The following TPCN1 variants were observed in gnomAD, a reference collection of about 807,000 sequenced individuals.
TPCN1 encodes two pore segment channel 1, also known as two pore channel protein 1.
Under a neutral mutation model 108.8 loss-of-function variants are expected in TPCN1, and 52 were observed. The observed-to-expected ratio is 0.48, with a 90% CI of 0.38 to 0.60. TPCN1 has a LOEUF of 0.60. Ranked by LOEUF, TPCN1 falls within the 20% of genes least tolerant of loss-of-function variation. The probability of loss-of-function intolerance (pLI) is 0.00; values close to 1 mark genes in which losing one functional copy is unlikely to be tolerated. For synonymous variants in TPCN1, 446 were observed against 433.7 expected (o/e 1.03, Z -0.35); for missense variants, 806 against 1,072.8 (o/e 0.75, Z 3.47).
rs956423554 is a variant in TPCN1 at position 113,231,567 on chromosome 12, T to G, written c.112+4603T>G. ...GGGGACACAGTTCAGGCCATCACAC[T>G]CCTACCCATTCTTCAGAGGCAGGGA... is the stretch of plus-strand genomic sequence containing the variant. On this transcript the variant is annotated intron_variant, in intron 2 of 27. Coordinates refer to ENST00000335509, the MANE Select transcript of TPCN1 (RefSeq NM_017901.6). The surrounding 1 kb of genome is among the most constrained non-coding windows in gnomAD (Gnocchi z 4.3). 1.3e-5 allele frequency among the ~76,000 whole-genome samples: 2 copies of G among 152,208 alleles called. No individual in the cohort carries two copies. The highest frequency in any genetic ancestry group is 6.5e-5 in the Admixed American group (1 of 15,276).
At chr12:113,283,086 CA>C (rs145407809) in intron 15 of TPCN1, among the ~76,000 whole-genome samples, 4 of 149,876 alleles carry the variant, frequency 2.7e-5, no homozygotes, top group African/African-American at 9.8e-5. Flanking sequence ...CAAGAAAAAG[CA>C]AAAAAAAATT....
chr12:113,248,488 C>T (rs928546343), intron 2 of TPCN1, among the ~76,000 whole-genome samples: 5 of 152,170 alleles, frequency 3.3e-5, no homozygotes, highest in African/African-American at 9.7e-5. Context: ...TTTGAGGGGA[C>T]GGAGTGATGT....
intron 19 of TPCN1, chr12:113,287,374 G>C (rs1369598257): frequency 4.6e-6 from 2 of 431,794 alleles, no homozygotes; most frequent in Non-Finnish European, 8.3e-6. Context: ...CCAGCGACAG[G>C]AGCCCATATG....
At chr12:113,248,922 T>C (rs1954514613) in intron 2 of TPCN1, among the ~76,000 whole-genome samples, 1 of 152,226 alleles carries the variant, frequency 6.6e-6, no homozygotes, top group African/African-American at 2.4e-5. Context: ...GGGATTGTGC[T>C]AGTCTAGGGG....
intron 27 of TPCN1, chr12:113,294,156 C>T (rs1015587935): frequency 6.6e-6 from 1 of 152,238 alleles, no homozygotes; most frequent in Non-Finnish European, 1.5e-5. Context: ...GTGATCATAG[C>T]TCACTGTAGC....
chr12:113,222,621 A>C (rs922238944), intron 1 of TPCN1, among the ~76,000 whole-genome samples: 1 of 152,244 alleles, frequency 6.6e-6, no homozygotes, highest in African/African-American at 2.4e-5. Context: ...GTCATATATT[A>C]AACAGTTAAA....
At position 113,278,219 on chromosome 12, in the gene TPCN1, T is replaced by C; in HGVS notation, c.1215T>C (p.Val405=). 6.2e-7 allele frequency: 1 copy of C among 1,613,946 alleles called. No homozygotes were observed. The highest frequency in any genetic ancestry group is 8.5e-7 in the Non-Finnish European group (1 of 1,179,896). Residue 405 remains valine (V), a synonymous_variant, in exon 13 of 28, where the codon GTT becomes GTC. Coordinates refer to ENST00000335509, the MANE Select transcript of TPCN1 (RefSeq NM_017901.6). The part of the protein sequence containing the change: ...SLKDFYDIYE[V]AALKWKAKKN... The stretch of plus-strand genomic sequence containing the variant: ...AGGACTTTTACGATATCTACGAAGT[T>C]GCTGCTTTGAAGTGGAAGGTGAGTT...
chr12:113,274,738 T>C (rs12816474), intron 10 of TPCN1, among the ~76,000 whole-genome samples: 2,762 of 152,306 alleles, frequency 0.018, 48 homozygotes, highest in Middle Eastern at 0.031. Flanking sequence ...GTGAGTATGG[T>C]TCTCCATGTG....
At chr12:113,270,977 G>T (rs921216257) in intron 7 of TPCN1, among the ~76,000 whole-genome samples, 1 of 152,056 alleles carries the variant, frequency 6.6e-6, no homozygotes, top group Non-Finnish European at 1.5e-5. Flanking sequence ...TTAAAAATAC[G>T]CCAGGCATGG....
chr12:113,289,039 T>G lies in TPCN1; in HGVS notation c.1796+192T>G, dbSNP rs1956183769. On this transcript the variant is annotated intron_variant, in intron 21 of 27. Coordinates refer to ENST00000335509, the MANE Select transcript of TPCN1 (RefSeq NM_017901.6). This position sits in a 1 kb window ranked among gnomAD's most constrained non-coding sequence, Gnocchi z 4.1. ...GGGGCCTGGACTCGGGGTCCCTGTT[T>G]CTCCATCCCCCAGGCAGGGTTGGGA... Among the ~76,000 whole-genome samples, 1 of 152,194 alleles carries G rather than the reference T, an allele frequency of 6.6e-6. No individual in the cohort carries two copies. Among genetic ancestry groups the G allele is most frequent in the Non-Finnish European group, 1.5e-5 (1 of 68,030 alleles).
intron 2 of TPCN1, among the ~76,000 whole-genome samples, chr12:113,236,884 G>A (rs749790786): frequency 6.6e-6 from 1 of 152,174 alleles, no homozygotes; most frequent in Non-Finnish European, 1.5e-5. Context: ...ATACAAGATA[G>A]CATGCCTCAC....
Position 113,287,066 on chromosome 12 carries a change from G to A in TPCN1, c.1606G>A (p.Val536Met), listed in dbSNP as rs143154281. 7.3e-5 allele frequency: 117 copies of A among 1,613,760 alleles called. No homozygotes were observed. Among genetic ancestry groups the A allele is most frequent in the East Asian group, 2.0e-4 (9 of 44,880 alleles). Residue 536 changes from valine to methionine, a missense_variant, in exon 19 of 28, where the codon GTG becomes ATG. Val to Met is a conservative substitution (Grantham distance 21). Coordinates refer to ENST00000335509, the MANE Select transcript of TPCN1 (RefSeq NM_017901.6). ...ALNMEPFYFI[V>M]VLRPLQLLRL... Reference sequence around the variant, plus strand: ...CAACATGGAGCCCTTCTATTTCATCGTGGTCCTGCGCCCCCTCCAGCTGCT... The same window carrying A: ...CAACATGGAGCCCTTCTATTTCATCATGGTCCTGCGCCCCCTCCAGCTGCT...
At chr12:113,223,925 CT>C (rs1953370884) in intron 1 of TPCN1, among the ~76,000 whole-genome samples, 1 of 152,300 alleles carries the variant, frequency 6.6e-6, no homozygotes, top group African/African-American at 2.4e-5. Context: ...AAAAAATACT[CT>C]TTTCCCCTTC....
rs563601130 is a variant in TPCN1, at chr12:113,297,052, G to C, written c.*976G>C. 1 of 152,364 alleles carries C rather than the reference G, an allele frequency of 6.6e-6. No homozygotes were observed. The highest frequency in any genetic ancestry group is 1.5e-5 in the Non-Finnish European group (1 of 68,146). The allele number at this position is 152,364 out of a possible 1,614,324, so 9.4% of individuals were successfully genotyped here. A position where few individuals can be genotyped will look rare whatever the true frequency, so the allele number is the denominator to read the frequency against. On this transcript the variant is annotated 3_prime_UTR_variant, in exon 28 of 28. Coordinates refer to ENST00000335509, the MANE Select transcript of TPCN1 (RefSeq NM_017901.6). This position sits in a 1 kb window ranked among gnomAD's most constrained non-coding sequence, Gnocchi z 4.4. ...TGGGACGCAGCAGCCCCGTGGCCCC[G>C]GCCCAGTTCCCAGCCACCCTCCCTG... is the stretch of plus-strand genomic sequence containing the variant.
chr12:113,230,063 CT>C (rs965455596), intron 2 of TPCN1, among the ~76,000 whole-genome samples: 2 of 152,200 alleles, frequency 1.3e-5, no homozygotes, highest in African/African-American at 4.8e-5. Context: ...TTCTCAGCCT[CT>C]TGTTTGCTCG....
chr12:113,247,533 T>C (rs1027359842), intron 2 of TPCN1, among the ~76,000 whole-genome samples: 6 of 152,140 alleles, frequency 3.9e-5, no homozygotes, highest in African/African-American at 1.4e-4. Context: ...ACCTCTTAAG[T>C]GGGGAAGAGG....
chr12:113,243,392 C>T (rs956018697), intron 2 of TPCN1, among the ~76,000 whole-genome samples: 1 of 151,616 alleles, frequency 6.6e-6, no homozygotes, highest in African/African-American at 2.4e-5. Context: ...ATACTACATC[C>T]TCCCTTTTTC....
intron 3 of TPCN1, among the ~76,000 whole-genome samples, chr12:113,260,888 T>C (rs953171297): frequency 6.6e-5 from 10 of 152,162 alleles, no homozygotes; most frequent in Non-Finnish European, 1.2e-4. Flanking sequence ...AGGAATTTTT[T>C]TTTTTTTGAA....
intron 2 of TPCN1, among the ~76,000 whole-genome samples, chr12:113,229,970 G>A (rs1259940008): frequency 6.6e-6 from 1 of 152,164 alleles, no homozygotes; most frequent in Non-Finnish European, 1.5e-5. Context: ...TCAGTCCACA[G>A]CATCATACTG....
Sources: allele counts gnomAD v4.1 joint callset (sites outside exome capture counted in the v4.1 genomes callset), GRCh38; gene constraint gnomAD v4.1.1; non-coding constraint Gnocchi (gnomAD v3.1); transcripts MANE v1.5; gene names NCBI Gene and HGNC (gene_info 2026-07-23, HGNC 2026-07-21).